The following SLAMF1 variants were observed in gnomAD, a reference collection of about 807,000 sequenced individuals.
The protein encoded by SLAMF1 is signaling lymphocytic activation molecule.
Under a neutral mutation model 35.1 loss-of-function variants are expected in SLAMF1, and 18 were observed. The observed-to-expected ratio is 0.51, with a 90% confidence interval of 0.35 to 0.76. The LOEUF is 0.76. SLAMF1 is among the 30% of genes least tolerant of loss of function. SLAMF1 has a pLI of 0.01. For synonymous variants in SLAMF1, 168 were observed against 157.2 expected (o/e 1.07, Z -0.51); for missense variants, 392 against 413.0 (o/e 0.95, Z 0.44).
rs748362889 is a variant in SLAMF1, at chr1:160,637,480, T to G, written c.126A>C (p.Lys42Asn). Reference protein sequence around the residue: ...CPKILRQLGSKVLLPLTYERI... With the variant: ...CPKILRQLGSNVLLPLTYERI... The stretch of plus-strand genomic sequence containing the variant: ...TTTCATATGTCAGGGGCAGCAGCAC[T>G]TTGCTTCCCAACTGCCGGAGAATCT... Residue 42 changes from lysine to asparagine, a missense_variant, in exon 2 of 7, where the codon AAA becomes AAC. By Grantham distance (94) the Lys-to-Asn change is moderately conservative (BLOSUM62 0). Transcript: ENST00000302035. 4 of 1,613,482 alleles carry G rather than the reference T, an allele frequency of 2.5e-6. No homozygotes were observed. The highest frequency in any genetic ancestry group is 3.3e-5 in the Admixed American group (2 of 60,002).
chr1:160,638,672 A>G (rs1447387775), intron 1 of SLAMF1, among the ~76,000 whole-genome samples: 1 of 152,130 alleles, frequency 6.6e-6, no homozygotes, highest in Non-Finnish European at 1.5e-5. Flanking sequence ...CCCACTATAA[A>G]CAGGTGTTCT....
At chr1:160,617,961 T>C (rs1659397060) in intron 5 of SLAMF1, among the ~76,000 whole-genome samples, 1 of 152,080 alleles carries the variant, frequency 6.6e-6, no homozygotes, top group African/African-American at 2.4e-5. Flanking sequence ...TAATCTCAGC[T>C]ACTTGGAAGG....
In SLAMF1 at chr1:160,636,365, G is replaced by A. The variant is rs569850023; in HGVS notation, c.415+826C>T. Among the ~76,000 whole-genome samples, 5 of 152,298 alleles carry A rather than the reference G, an allele frequency of 3.3e-5. No individual in the cohort carries two copies. The South Asian group carries it at 1.0e-3, about 32-fold the overall frequency. ...CCTCTAGATATTTGAGAATTTCAAAGAAATGCTGGTTAGGTGGGAATTCCT... is the reference window on the plus strand; with the variant it reads ...CCTCTAGATATTTGAGAATTTCAAAAAAATGCTGGTTAGGTGGGAATTCCT... On this transcript the variant is annotated intron_variant, in intron 2 of 6. Transcript: ENST00000302035.
intron 5 of SLAMF1, among the ~76,000 whole-genome samples, chr1:160,617,681 A>G (rs1659380221): frequency 6.6e-6 from 1 of 152,152 alleles, no homozygotes; most frequent in Non-Finnish European, 1.5e-5. Context: ...TGGGGAGGAG[A>G]GAGGAAGTAA....
intron 4 of SLAMF1, 56 bp from the exon 5 acceptor site, chr1:160,619,905 T>C: frequency 8.6e-7 from 1 of 1,160,996 alleles, no homozygotes; most frequent in East Asian, 2.3e-5. Flanking sequence ...AGGAGCTCCT[T>C]ACTCAGACCT....
intron 6 of SLAMF1, among the ~76,000 whole-genome samples, chr1:160,611,347 A>C (rs1301221342): frequency 6.6e-6 from 1 of 152,232 alleles, no homozygotes; most frequent in Non-Finnish European, 1.5e-5. Context: ...TCCTTAAGTA[A>C]ACTTCATTAA....
chr1:160,624,532 G>A (rs1324079335), intron 3 of SLAMF1, among the ~76,000 whole-genome samples: 3 of 152,182 alleles, frequency 2.0e-5, no homozygotes, highest in African/African-American at 7.2e-5. Flanking sequence ...GATTGCTAAT[G>A]TGTCCTGTAT....
At position 160,624,268 on chromosome 1, in the gene SLAMF1, C is replaced by T. The variant is rs1275235196; in HGVS notation, c.701-83G>A. On this transcript the variant is annotated intron_variant, in intron 3 of 6. Coordinates refer to ENST00000302035, the MANE Select transcript of SLAMF1 (RefSeq NM_003037.5). Reference sequence around the variant, plus strand: ...CTTACATGAAAGTGGGATAATGGAGCCTCATGTTCTATTTCTGCATTCTCT... The same window carrying T: ...CTTACATGAAAGTGGGATAATGGAGTCTCATGTTCTATTTCTGCATTCTCT... The T allele has an allele frequency of 1.2e-5, 12 of 961,272 alleles. No homozygotes were observed. The African/African-American group carries it at 2.0e-4, about 16-fold the overall frequency. The allele number at this position is 961,272 out of a possible 1,614,324, so 59.5% of individuals were successfully genotyped here. A position where few individuals can be genotyped will look rare whatever the true frequency, so the allele number is the denominator to read the frequency against.
chr1:160,646,167 G>C (rs1661029379), intron 1 of SLAMF1, among the ~76,000 whole-genome samples: 2 of 152,126 alleles, frequency 1.3e-5, no homozygotes, highest in Non-Finnish European at 1.5e-5. Context: ...CAGATCCAAA[G>C]GTAGCTCTTG....
intron 1 of SLAMF1, among the ~76,000 whole-genome samples, chr1:160,640,626 C>T (rs946202968): frequency 4.0e-5 from 6 of 151,666 alleles, no homozygotes; most frequent in Non-Finnish European, 8.8e-5. Flanking sequence ...ACACACTGGC[C>T]CAAATATTCT....
intron 5 of SLAMF1, among the ~76,000 whole-genome samples, chr1:160,617,167 TA>T (rs997766216): frequency 4.7e-5 from 7 of 148,472 alleles, no homozygotes; most frequent in Non-Finnish European, 6.0e-5. Context: ...AAAAAAAATT[TA>T]AAAAAAAAAG....
At chr1:160,627,366 T>TA (rs1659937149) in intron 3 of SLAMF1, among the ~76,000 whole-genome samples, 1 of 152,232 alleles carries the variant, frequency 6.6e-6, no homozygotes, top group South Asian at 2.1e-4. Flanking sequence ...TACACTACTT[T>TA]AACAGCTCTC....
chr1:160,634,421 A>G, intron 3 of SLAMF1, 192 bp downstream of exon 3: 1 of 984,200 alleles, frequency 1.0e-6, no homozygotes, highest in Non-Finnish European at 1.2e-6. Context: ...CTGTGAACTG[A>G]GCATAAAAAT....
rs1176311060 is a variant in SLAMF1, at chr1:160,642,961, A to G, written c.76+3909T>C. On this transcript the variant is annotated intron_variant, in intron 1 of 6. Coordinates refer to ENST00000302035, the MANE Select transcript of SLAMF1 (RefSeq NM_003037.5). This position sits in a 1 kb window ranked among gnomAD's most constrained non-coding sequence, Gnocchi z 4.2. ...TTTAATATTCATTTTTATTAACTTT[A>G]TCCCAAATGTGCACATGAGATATAC... Among the ~76,000 whole-genome samples the G allele has an allele frequency of 6.6e-6, 1 of 152,188 alleles. No homozygotes were observed. The highest frequency in any genetic ancestry group is 2.4e-5 in the African/African-American group (1 of 41,428).
intron 2 of SLAMF1, 34 bp from the exon 3 acceptor site, chr1:160,634,931 A>T: frequency 6.4e-7 from 1 of 1,568,924 alleles, no homozygotes; most frequent in Non-Finnish European, 8.7e-7. Context: ...GCCATCACTG[A>T]AGTGAACCCC....
chr1:160,613,436 C>G (rs1659109334), intron 5 of SLAMF1, among the ~76,000 whole-genome samples: 1 of 152,186 alleles, frequency 6.6e-6, no homozygotes, highest in Non-Finnish European at 1.5e-5. Flanking sequence ...GTTGATGTTA[C>G]TTTGAACGAA....
At chr1:160,629,703 C>T (rs543825921) in intron 3 of SLAMF1, among the ~76,000 whole-genome samples, 2 of 152,292 alleles carry the variant, frequency 1.3e-5, no homozygotes, top group South Asian at 2.1e-4. Flanking sequence ...AGTGAGATTG[C>T]GCTCATGCTT....
intron 6 of SLAMF1, 33 bp from the exon 7 acceptor site, chr1:160,610,831 G>A (rs1658943036): frequency 6.7e-7 from 1 of 1,485,830 alleles, no homozygotes; most frequent in African/African-American, 1.4e-5. Context: ...TGAGTAGAGG[G>A]ACTGGATACT....
At chr1:160,619,924 C>A in intron 4 of SLAMF1, 75 bp from the exon 5 acceptor site, 1 of 975,942 alleles carries the variant, frequency 1.0e-6, no homozygotes, top group Non-Finnish European at 1.7e-6. Flanking sequence ...CTGGTCTTTA[C>A]TGTCCTTTGC....
Sources: allele counts gnomAD v4.1 joint callset (sites outside exome capture counted in the v4.1 genomes callset), GRCh38; gene constraint gnomAD v4.1.1; non-coding constraint Gnocchi (gnomAD v3.1); transcripts MANE v1.5; gene names NCBI Gene and HGNC (gene_info 2026-07-23, HGNC 2026-07-21).